PDSS2: variants seen among roughly 807,000 people sequenced by gnomAD.
PDSS2 encodes all trans-polyprenyl-diphosphate synthase PDSS2.
In PDSS2, 31 loss-of-function variants were observed where a neutral mutation model predicts 44.5. That is an observed-to-expected ratio of 0.70 (90% CI 0.52 to 0.94). The LOEUF is 0.94. Ranked by LOEUF, PDSS2 falls within the 40% of genes least tolerant of loss-of-function variation. The pLI is 0.00. For missense variants in PDSS2, 452 were observed against 482.2 expected (o/e 0.94, Z 0.59); for synonymous variants, 157 against 180.3 (o/e 0.87, Z 1.03).
intron 7 of PDSS2, among the ~76,000 whole-genome samples, chr6:107,181,077 T>C (rs1180823813): frequency 6.6e-6 from 1 of 152,066 alleles, no homozygotes; most frequent in Non-Finnish European, 1.5e-5. Flanking sequence ...ACTCCTGACC[T>C]CAGGTAATCC....
At chr6:107,332,219 C>T (rs1201973894) in intron 2 of PDSS2, among the ~76,000 whole-genome samples, 1 of 151,940 alleles carries the variant, frequency 6.6e-6, no homozygotes, top group African/African-American at 2.4e-5. Context: ...ATCCTTCCAC[C>T]TCAGCCTCCT....
At chr6:107,190,616 C>T (rs1394338583) in intron 7 of PDSS2, among the ~76,000 whole-genome samples, 4 of 152,136 alleles carry the variant, frequency 2.6e-5, no homozygotes, top group Non-Finnish European at 5.9e-5. Context: ...CTAATCCAGC[C>T]TGGGAAACCA....
intron 1 of PDSS2, among the ~76,000 whole-genome samples, chr6:107,421,707 T>TA (rs1312997445): frequency 2.0e-5 from 3 of 151,248 alleles, no homozygotes; most frequent in Non-Finnish European, 4.4e-5. Context: ...CTTTGTAGTC[T>TA]CAAAGTGCAA....
At chr6:107,336,061 C>T (rs1046379912) in intron 1 of PDSS2, among the ~76,000 whole-genome samples, 1 of 151,604 alleles carries the variant, frequency 6.6e-6, no homozygotes, top group Non-Finnish European at 1.5e-5. Flanking sequence ...TCGAGACCAG[C>T]CCGGCCAACA....
intron 6 of PDSS2, among the ~76,000 whole-genome samples, chr6:107,196,790 A>G (rs555614560): frequency 2.0e-5 from 3 of 152,266 alleles, no homozygotes; most frequent in Admixed American, 6.5e-5. Context: ...CCCACCCCCA[A>G]ATTTCTGGGG....
intron 4 of PDSS2, among the ~76,000 whole-genome samples, chr6:107,216,404 C>G (rs1773413731): frequency 6.6e-6 from 1 of 151,954 alleles, no homozygotes; most frequent in African/African-American, 2.4e-5. Flanking sequence ...ACCAGGGAGG[C>G]AGAGGTTGCA....
intron 1 of PDSS2, among the ~76,000 whole-genome samples, chr6:107,398,038 T>C (rs1004362775): frequency 6.6e-6 from 1 of 152,134 alleles, no homozygotes; most frequent in Admixed American, 6.5e-5. Context: ...GTTCAAAAAG[T>C]ACATTGACAT....
chr6:107,328,416 C>T (rs1777614975), intron 2 of PDSS2, among the ~76,000 whole-genome samples: 1 of 152,128 alleles, frequency 6.6e-6, no homozygotes, highest in Non-Finnish European at 1.5e-5. Context: ...TCAGTTTTCT[C>T]ATTGGTGAAA....
At chr6:107,311,352 A>T (rs960880269) in intron 2 of PDSS2, among the ~76,000 whole-genome samples, 2 of 151,896 alleles carry the variant, frequency 1.3e-5, no homozygotes, top group African/African-American at 4.8e-5. Context: ...GACTACAAGT[A>T]TGTGCCATCA....
intron 7 of PDSS2, among the ~76,000 whole-genome samples, chr6:107,166,523 C>A (rs1771356653): frequency 6.6e-6 from 1 of 152,134 alleles, no homozygotes; most frequent in Non-Finnish European, 1.5e-5. Context: ...TGCCACCACG[C>A]CTGGCTATTT....
Position 107,153,307 on chromosome 6 carries a change from G to A in PDSS2, c.*1312C>T, listed in dbSNP as rs1360990436. On this transcript the variant is annotated 3_prime_UTR_variant, in exon 8 of 8. Transcript: ENST00000369037. ...AACGGTGTTCTCAAATTGCATGAGT[G>A]CAAACCTCAAAAATCATCTCCTATG... The A allele has an allele frequency of 1.3e-5, 2 of 152,546 alleles. No homozygotes were observed. The highest frequency in any genetic ancestry group is 4.8e-5 in the African/African-American group (2 of 41,426). 9.4% of individuals were successfully genotyped at this position (152,546 alleles called of 1,614,324 possible). A position where few individuals can be genotyped will look rare whatever the true frequency, so the allele number is the denominator to read the frequency against.
intron 1 of PDSS2, among the ~76,000 whole-genome samples, chr6:107,379,207 T>C (rs1337586696): frequency 6.6e-6 from 1 of 152,240 alleles, no homozygotes; most frequent in Non-Finnish European, 1.5e-5. Flanking sequence ...ATATTTATAG[T>C]ATGCTTTGAG....
In PDSS2 at chr6:107,355,135, G is replaced by A. The variant is rs1778558238; in HGVS notation, c.297-20803C>T. Reference sequence around the variant, plus strand: ...TTTAGTAGAGACAGGGTTTCACCATGGTCTCGATCTCTTGACCTTGTGATC... The same window carrying A: ...TTTAGTAGAGACAGGGTTTCACCATAGTCTCGATCTCTTGACCTTGTGATC... On this transcript the variant is annotated intron_variant, in intron 1 of 7. Transcript: ENST00000369037. Among the ~76,000 whole-genome samples, 3 of 152,158 alleles carry A rather than the reference G, an allele frequency of 2.0e-5. No individual in the cohort carries two copies. The South Asian group carries it at 6.2e-4, about 32-fold the overall frequency.
At chr6:107,204,008 T>A (rs1484989346) in intron 6 of PDSS2, among the ~76,000 whole-genome samples, 1 of 151,792 alleles carries the variant, frequency 6.6e-6, no homozygotes, top group Non-Finnish European at 1.5e-5. Context: ...AGTAGCATGA[T>A]CGAGGCTCAC....
intron 4 of PDSS2, among the ~76,000 whole-genome samples, chr6:107,222,507 T>C (rs1193092320): frequency 1.3e-5 from 2 of 151,746 alleles, no homozygotes; most frequent in East Asian, 3.9e-4. Context: ...ATACAAAAAA[T>C]TAGCTGGGCG....
chr6:107,257,878 A>G lies in PDSS2; in HGVS notation c.631-12259T>C, dbSNP rs536404032. ...GTGATCTGCCCACCTCGGCCTCCCA[A>G]AGTGCTGGGATTAGGGGTGTGAGCC... On this transcript the variant is annotated intron_variant, in intron 3 of 7. Coordinates refer to ENST00000369037, the MANE Select transcript of PDSS2 (RefSeq NM_020381.4). Among the ~76,000 whole-genome samples the G allele has an allele frequency of 4.6e-4, 70 of 152,264 alleles. 2 individuals are homozygous for G. The highest frequency in any genetic ancestry group is 2.5e-3 in the South Asian group (12 of 4,830).
At chr6:107,406,764 A>G (rs1349131201) in intron 1 of PDSS2, among the ~76,000 whole-genome samples, 3 of 152,254 alleles carry the variant, frequency 2.0e-5, no homozygotes, top group Admixed American at 6.5e-5. Flanking sequence ...GAGAAGAACC[A>G]TAAGTGAGAT....
rs369912366 is a variant in PDSS2, at chr6:107,169,751, C to G, written c.1042-14974G>C. On this transcript the variant is annotated intron_variant, in intron 7 of 7. Transcript: ENST00000369037. ...AGTTTGCTGGAGGTCCACTCCAGAC[C>G]CTGTTTGCCTGGGTATCAGCAGCAG... is the stretch of plus-strand genomic sequence containing the variant. Among the ~76,000 whole-genome samples the G allele has an allele frequency of 6.4e-4, 97 of 152,234 alleles. 1 individual carries two copies. The Middle Eastern group carries it at 0.014, about 21-fold the overall frequency.
At chr6:107,455,596 A>T (rs1782011562) in intron 1 of PDSS2, among the ~76,000 whole-genome samples, 1 of 151,924 alleles carries the variant, frequency 6.6e-6, no homozygotes, top group African/African-American at 2.4e-5. Context: ...TCTACTAAAA[A>T]TACAAAAATT....
Sources: gnomAD v4.1 joint callset for allele counts (sites outside exome capture counted in the v4.1 genomes callset) on GRCh38, gnomAD v4.1.1 for gene constraint, MANE v1.5 for transcripts, NCBI Gene and HGNC (gene_info 2026-07-23, HGNC 2026-07-21) for gene names.